PTPRD: variants seen among roughly 807,000 people sequenced by gnomAD.
The protein encoded by PTPRD is receptor-type tyrosine-protein phosphatase delta.
A neutral mutation model predicts 214.5 loss-of-function variants in PTPRD; 34 were observed. That is an observed-to-expected ratio of 0.16 (90% CI 0.12 to 0.21). The LOEUF is 0.21. Among genes scored for constraint, PTPRD ranks in the 10% least tolerant of loss-of-function variants. The pLI is 1.00. For synonymous variants in PTPRD, 1,128 were observed against 845.7 expected (o/e 1.33, Z -5.79); for missense variants, 2,545 against 2,398.7 (o/e 1.06, Z -1.27).
rs963057652 is a variant in PTPRD, at chr9:10,069,521, T to A, written c.-544-35731A>T. Among the ~76,000 whole-genome samples the A allele has an allele frequency of 2.0e-5, 3 of 152,054 alleles. No homozygotes were observed. The East Asian group carries it at 5.8e-4, about 30-fold the overall frequency. The stretch of plus-strand genomic sequence containing the variant: ...AGTGGAGTTGCTCCCAGGATTTCTC[T>A]AGAGAAAATAATGCTTTTTCTTTCT... On this transcript the variant is annotated intron_variant, in intron 3 of 45. Transcript: ENST00000381196.
At chr9:8,345,921 G>C (rs1857176475) in intron 39 of PTPRD, among the ~76,000 whole-genome samples, 1 of 152,004 alleles carries the variant, frequency 6.6e-6, no homozygotes, top group African/African-American at 2.4e-5. Flanking sequence ...CCAAAATGTA[G>C]ATAATGCTCC....
chr9:8,786,535 C>G (rs2095981798), intron 11 of PTPRD, among the ~76,000 whole-genome samples: 1 of 150,364 alleles, frequency 6.7e-6, no homozygotes, highest in Non-Finnish European at 1.5e-5. Flanking sequence ...CCACCTCAGT[C>G]TCCTGAGTAG....
intron 23 of PTPRD, among the ~76,000 whole-genome samples, chr9:8,503,284 C>A (rs934698686): frequency 8.6e-5 from 13 of 151,998 alleles, no homozygotes; most frequent in African/African-American, 3.1e-4. Flanking sequence ...GCTGATAGGT[C>A]TAAATATGAG....
intron 14 of PTPRD, among the ~76,000 whole-genome samples, chr9:8,614,665 T>C (rs940575202): frequency 1.3e-5 from 2 of 152,146 alleles, no homozygotes; most frequent in Non-Finnish European, 2.9e-5. Flanking sequence ...AGAGGGCATA[T>C]AAGGGATCTG....
At chr9:8,318,815 G>GA (rs1234129564) in intron 45 of PTPRD, among the ~76,000 whole-genome samples, 4 of 152,040 alleles carry the variant, frequency 2.6e-5, no homozygotes, top group South Asian at 2.1e-4. Flanking sequence ...TGGAGAGATG[G>GA]AAAAATCACA....
At chr9:10,232,492 T>C (rs1157007084) in intron 3 of PTPRD, among the ~76,000 whole-genome samples, 1 of 151,966 alleles carries the variant, frequency 6.6e-6, no homozygotes, top group African/African-American at 2.4e-5. Flanking sequence ...CAACAAAGCA[T>C]CACTTCTACT....
chr9:9,946,651 C>T (rs948370994), intron 4 of PTPRD, among the ~76,000 whole-genome samples: 1 of 145,268 alleles, frequency 6.9e-6, no homozygotes, highest in Non-Finnish European at 1.5e-5. Flanking sequence ...CCTCCTGCAT[C>T]GACACTGGCT....
chr9:9,818,431 C>T (rs1482064690), intron 5 of PTPRD, among the ~76,000 whole-genome samples: 3 of 152,010 alleles, frequency 2.0e-5, no homozygotes, highest in African/African-American at 7.3e-5. Flanking sequence ...TGCTATGTTT[C>T]CTCTTAATTA....
intron 9 of PTPRD, among the ~76,000 whole-genome samples, chr9:9,197,730 G>C (rs1220579400): frequency 6.6e-6 from 1 of 152,142 alleles, no homozygotes; most frequent in Non-Finnish European, 1.5e-5. Flanking sequence ...TTTCTGCTGA[G>C]TTAATCTTCC....
At chr9:10,106,195 C>T (rs928077069) in intron 3 of PTPRD, among the ~76,000 whole-genome samples, 4 of 151,768 alleles carry the variant, frequency 2.6e-5, no homozygotes, top group Non-Finnish European at 4.4e-5. Flanking sequence ...TCTACCACTA[C>T]TCCATGCAGA....
intron 5 of PTPRD, among the ~76,000 whole-genome samples, chr9:9,820,042 A>G (rs1178340527): frequency 6.6e-6 from 1 of 152,116 alleles, no homozygotes; most frequent in Non-Finnish European, 1.5e-5. Context: ...GTCCTGTTCT[A>G]TGTTCTTTGA....
At chr9:9,507,507 T>C (rs2154239099) in intron 8 of PTPRD, among the ~76,000 whole-genome samples, 1 of 151,370 alleles carries the variant, frequency 6.6e-6, no homozygotes, top group South Asian at 2.1e-4. Context: ...ATAAAATGAA[T>C]TATAAAAGAA....
At chr9:8,877,584 T>C (rs1227213918) in intron 11 of PTPRD, among the ~76,000 whole-genome samples, 3 of 152,228 alleles carry the variant, frequency 2.0e-5, no homozygotes, top group Non-Finnish European at 4.4e-5. Flanking sequence ...TGGCAATAGG[T>C]CAACTTATAA....
chr9:10,497,484 CAGG>C (rs2042405002), intron 2 of PTPRD, among the ~76,000 whole-genome samples: 1 of 151,878 alleles, frequency 6.6e-6, no homozygotes, highest in Non-Finnish European at 1.5e-5. Flanking sequence ...TGAATGATTG[CAGG>C]AGGTTAGTCA....
chr9:9,338,440 A>G (rs1447608188), intron 9 of PTPRD, among the ~76,000 whole-genome samples: 2 of 152,212 alleles, frequency 1.3e-5, no homozygotes, highest in African/African-American at 2.4e-5. Flanking sequence ...GAATTTTACA[A>G]AACAAGAAAG....
intron 3 of PTPRD, among the ~76,000 whole-genome samples, chr9:10,045,307 A>G (rs2097368510): frequency 6.6e-6 from 1 of 151,792 alleles, no homozygotes; most frequent in Non-Finnish European, 1.5e-5. Flanking sequence ...AAATGGGAAA[A>G]TAATGTTTAC....
At chr9:8,458,377 TA>T (rs1373260007) in intron 33 of PTPRD, among the ~76,000 whole-genome samples, 1 of 152,180 alleles carries the variant, frequency 6.6e-6, no homozygotes, top group African/African-American at 2.4e-5. Flanking sequence ...TGGTATGATT[TA>T]ATGATAGCTA....
At chr9:8,590,735 G>C (rs143269320) in intron 14 of PTPRD, among the ~76,000 whole-genome samples, 1 of 152,086 alleles carries the variant, frequency 6.6e-6, no homozygotes, top group Non-Finnish European at 1.5e-5. Context: ...GAAATACTAG[G>C]GATTTGCATG....
chr9:8,671,410 A>G (rs1239022864), intron 12 of PTPRD, among the ~76,000 whole-genome samples: 1 of 152,168 alleles, frequency 6.6e-6, no homozygotes, highest in Non-Finnish European at 1.5e-5. Context: ...ATGTAAATTA[A>G]AAGAAGCAAA....
Sources: gnomAD v4.1 joint callset for allele counts (sites outside exome capture counted in the v4.1 genomes callset) on GRCh38, gnomAD v4.1.1 for gene constraint, MANE v1.5 for transcripts, NCBI Gene and HGNC (gene_info 2026-07-23, HGNC 2026-07-21) for gene names.